The following SBF2 variants were observed in gnomAD, a reference collection of about 807,000 sequenced individuals.
SBF2 encodes myotubularin-related protein 13.
SBF2 carries 112 observed loss-of-function variants against 225.2 expected under a neutral mutation model. The ratio of observed to expected loss-of-function variants is 0.50; its 90% CI spans 0.43 to 0.58. The LOEUF (loss-of-function observed/expected upper bound fraction) is 0.58. SBF2 is among the 20% of genes least tolerant of loss of function. The probability of loss-of-function intolerance (pLI) is 0.00; values close to 1 mark genes in which losing one functional copy is unlikely to be tolerated. For synonymous variants in SBF2, 763 were observed against 773.3 expected (o/e 0.99, Z 0.22); for missense variants, 1,996 against 2,206.2 (o/e 0.90, Z 1.91).
At chr11:10,251,330 TAAAA>T (rs959169854) in intron 1 of SBF2, among the ~76,000 whole-genome samples, 6 of 152,158 alleles carry the variant, frequency 3.9e-5, no homozygotes, top group African/African-American at 1.4e-4. Flanking sequence ...GAGGCAATAA[TAAAA>T]AATGTATCCC....
At chr11:9,803,477 C>T (rs528265119) in intron 32 of SBF2, among the ~76,000 whole-genome samples, 3 of 152,136 alleles carry the variant, frequency 2.0e-5, no homozygotes, top group Non-Finnish European at 2.9e-5. Context: ...CTCCTCCCCC[C>T]CAGCCCCATC....
chr11:10,015,531 T>A (rs957338997), intron 6 of SBF2, among the ~76,000 whole-genome samples: 1 of 152,198 alleles, frequency 6.6e-6, no homozygotes, highest in Admixed American at 6.5e-5. Context: ...TGAAGGTAAA[T>A]CTTTTGCCAC....
At chr11:10,038,179 T>C (rs890854723) in intron 3 of SBF2, among the ~76,000 whole-genome samples, 1 of 152,004 alleles carries the variant, frequency 6.6e-6, no homozygotes, top group African/African-American at 2.4e-5. Context: ...CTTTGTAGTA[T>C]ATGTGGTTAT....
At chr11:9,953,972 T>C (rs927112869) in intron 16 of SBF2, among the ~76,000 whole-genome samples, 2 of 152,182 alleles carry the variant, frequency 1.3e-5, no homozygotes, top group African/African-American at 2.4e-5. Context: ...AAAGCTTTAA[T>C]TGTATATTTG....
intron 33 of SBF2, among the ~76,000 whole-genome samples, chr11:9,794,679 A>AAAAAAAAC (rs1852992882): frequency 8.2e-6 from 1 of 121,216 alleles, no homozygotes; most frequent in Non-Finnish European, 1.6e-5. Flanking sequence ...TCCGTCTCAA[A>AAAAAAAAC]AAAAAAAAAA....
intron 17 of SBF2, among the ~76,000 whole-genome samples, chr11:9,875,275 G>A (rs1217091426): frequency 6.6e-6 from 1 of 152,200 alleles, no homozygotes; most frequent in African/African-American, 2.4e-5. Context: ...AGAATAAATA[G>A]CTATAAAGTT....
intron 4 of SBF2, 121 bp from the exon 5 acceptor site, chr11:10,029,996 T>C (rs1949197576): frequency 6.7e-6 from 5 of 746,184 alleles, no homozygotes; most frequent in South Asian, 5.9e-5. Flanking sequence ...ACAGTGAACA[T>C]GGAATACATT....
intron 2 of SBF2, among the ~76,000 whole-genome samples, chr11:10,140,351 C>T (rs950419108): frequency 1.3e-5 from 2 of 152,206 alleles, no homozygotes; most frequent in Non-Finnish European, 1.5e-5. Flanking sequence ...CAAAGAGGGA[C>T]TGGCAATTGA....
At chr11:10,032,669 T>C (rs1949302542) in intron 3 of SBF2, among the ~76,000 whole-genome samples, 1 of 152,208 alleles carries the variant, frequency 6.6e-6, no homozygotes, top group Non-Finnish European at 1.5e-5. Flanking sequence ...ATCCAACATA[T>C]TTATCTATTT....
chr11:10,051,797 G>C (rs908425355), intron 2 of SBF2, among the ~76,000 whole-genome samples: 1 of 151,958 alleles, frequency 6.6e-6, no homozygotes, highest in Non-Finnish European at 1.5e-5. Flanking sequence ...AGTTAAATGA[G>C]TCTTTTTCAA....
At chr11:9,906,636 T>C (rs759979069) in intron 16 of SBF2, among the ~76,000 whole-genome samples, 1 of 152,220 alleles carries the variant, frequency 6.6e-6, no homozygotes, top group Non-Finnish European at 1.5e-5. Flanking sequence ...ACAATAAGTC[T>C]ACAACTATTG....
intron 2 of SBF2, among the ~76,000 whole-genome samples, chr11:10,167,855 T>C (rs1956035108): frequency 2.0e-5 from 3 of 152,116 alleles, no homozygotes; most frequent in African/African-American, 2.4e-5. Flanking sequence ...CCATCTCTAC[T>C]AAAACTACAA....
chr11:10,129,451 A>G (rs1953926127), intron 2 of SBF2, among the ~76,000 whole-genome samples: 1 of 152,152 alleles, frequency 6.6e-6, no homozygotes, highest in South Asian at 2.1e-4. Flanking sequence ...TATCAAACAC[A>G]TAGCCATGTG....
chr11:10,079,120 A>T (rs930748708), intron 2 of SBF2, among the ~76,000 whole-genome samples: 5 of 152,182 alleles, frequency 3.3e-5, no homozygotes, highest in South Asian at 4.1e-4. Flanking sequence ...CCATATGCAA[A>T]TGTATCAGTG....
intron 16 of SBF2, among the ~76,000 whole-genome samples, chr11:9,923,746 CTAAT>C (rs919765358): frequency 1.3e-5 from 2 of 152,068 alleles, no homozygotes. Context: ...GTATCTGTAC[CTAAT>C]TGATTTTCTT....
At chr11:9,933,187 T>G (rs552581439) in intron 16 of SBF2, among the ~76,000 whole-genome samples, 5 of 152,204 alleles carry the variant, frequency 3.3e-5, no homozygotes, top group South Asian at 2.1e-4. Flanking sequence ...CAAAGAGACT[T>G]AGACTCCTAC....
intron 2 of SBF2, among the ~76,000 whole-genome samples, chr11:10,111,744 G>A (rs537586406): frequency 2.6e-5 from 4 of 152,324 alleles, no homozygotes; most frequent in Admixed American, 6.5e-5. Context: ...GGGCGCGGTG[G>A]CGCACGCCTG....
chr11:10,295,178 T>A (rs1964456031), upstream of SBF2, among the ~76,000 whole-genome samples: 1 of 152,240 alleles, frequency 6.6e-6, no homozygotes, highest in Non-Finnish European at 1.5e-5. Context: ...GTCTTTGTGG[T>A]TGCTTATCAC....
At position 10,042,835 on chromosome 11, in the gene SBF2, T is replaced by C; in HGVS notation, c.279+9A>G. ...TCGACTGTACTTTAGCTAGTAAAGGTTTTTGTACCTGAAGATTGATCTCTG... is the reference window on the plus strand; with the variant it reads ...TCGACTGTACTTTAGCTAGTAAAGGCTTTTGTACCTGAAGATTGATCTCTG... On this transcript the variant is annotated intron_variant, in intron 3 of 39. Coordinates refer to ENST00000256190, the MANE Select transcript of SBF2 (RefSeq NM_030962.4). The C allele has an allele frequency of 6.2e-7, 1 of 1,613,576 alleles. No homozygotes were observed. Among genetic ancestry groups the C allele is most frequent in the African/African-American group, 1.3e-5 (1 of 75,018 alleles).
Sources: allele counts gnomAD v4.1 joint callset (sites outside exome capture counted in the v4.1 genomes callset), GRCh38; gene constraint gnomAD v4.1.1; transcripts MANE v1.5; gene names NCBI Gene and HGNC (gene_info 2026-07-23, HGNC 2026-07-21).